Variants in PLCG1 observed in about 807,000 individuals in gnomAD.
The protein encoded by PLCG1 is 1-phosphatidylinositol 4,5-bisphosphate phosphodiesterase gamma-1.
In PLCG1, 71 loss-of-function variants were observed where a neutral mutation model predicts 177.8. That is an observed-to-expected ratio of 0.40 (90% CI 0.33 to 0.49). The LOEUF is 0.49. Among genes scored for constraint, PLCG1 ranks in the 20% least tolerant of loss-of-function variants. PLCG1 has a pLI of 0.72. For missense variants in PLCG1, 1,281 were observed against 1,709.0 expected, an observed-to-expected ratio of 0.75 and a Z score of 4.42; for synonymous variants, 658 against 647.9, an observed-to-expected ratio of 1.02 and a Z score of -0.24.
intron 5 of PLCG1, 50 bp downstream of exon 5, chr20:41,162,586 G>C: frequency 4.4e-6 from 7 of 1,608,332 alleles, no homozygotes; most frequent in Non-Finnish European, 5.1e-6. Flanking sequence ...GAAGCCAAGA[G>C]CCCTTCAGCT....
chr20:41,140,459 G>C (rs1359485840), intron 1 of PLCG1, among the ~76,000 whole-genome samples: 1 of 152,204 alleles, frequency 6.6e-6, no homozygotes, highest in Non-Finnish European at 1.5e-5. Flanking sequence ...ACCCTACCAG[G>C]GTACCAGCAG....
At chr20:41,138,478 A>ATT (rs1175225004) in intron 1 of PLCG1, among the ~76,000 whole-genome samples, 29 of 137,994 alleles carry the variant, frequency 2.1e-4, no homozygotes, top group Middle Eastern at 3.8e-3. Flanking sequence ...AGTGGCTGGA[A>ATT]TTTTTTTTTT....
chr20:41,145,832 T>C (rs886663527), intron 1 of PLCG1, among the ~76,000 whole-genome samples: 6 of 152,222 alleles, frequency 3.9e-5, no homozygotes, highest in African/African-American at 1.2e-4. Context: ...GGAGAGTCTC[T>C]ACTTGCATTC....
In PLCG1 at chr20:41,163,566, C is replaced by T; in HGVS notation, c.891+87C>T. 9.0e-7 allele frequency: 1 copy of T among 1,110,284 alleles called. No homozygotes were observed. The highest frequency in any genetic ancestry group is 1.4e-6 in the Non-Finnish European group (1 of 728,026). 68.8% of individuals were successfully genotyped at this position (1,110,284 alleles called of 1,614,324 possible). The stretch of plus-strand genomic sequence containing the variant: ...CCCGGGCTCCAGGAGCTAGACGCTC[C>T]TTAGGGATGCCACCTTGTTTCTACC... On this transcript the variant is annotated intron_variant, in intron 9 of 31. Transcript: ENST00000685551. This position sits in a 1 kb window ranked among gnomAD's most constrained non-coding sequence, Gnocchi z 5.2.
At position 41,165,990 on chromosome 20, in the gene PLCG1, A is replaced by AC. The variant is rs145133101; in HGVS notation, c.1799+174dup. ...CATACACACACACACTCTCTGTCTCACCCCCCCCCCATACCCCTCCCTTTT... is the reference window on the plus strand; with the variant it reads ...CATACACACACACACTCTCTGTCTCACCCCCCCCCCCATACCCCTCCCTTTT... On this transcript the variant is annotated intron_variant, in intron 16 of 31. Transcript: ENST00000685551. The surrounding 1 kb of genome is among the most constrained non-coding windows in gnomAD (Gnocchi z 6.6). 0.06 allele frequency: 31,469 copies of AC among 522,682 alleles called. 592 individuals carry two copies. Among genetic ancestry groups the AC allele is most frequent in the East Asian group, 0.36 (9,968 of 27,622 alleles). The allele number at this position is 522,682 out of a possible 1,614,324, so 32.4% of individuals were successfully genotyped here.
Position 41,166,593 on chromosome 20 carries a change from C to G in PLCG1, c.2118C>G (p.Phe706Leu), listed in dbSNP as rs1486693229. The G allele has an allele frequency of 6.2e-7, 1 of 1,614,064 alleles. No individual in the cohort carries two copies. The highest frequency in any genetic ancestry group is 8.5e-7 in the Non-Finnish European group (1 of 1,180,052). ...RNEPNSYAIS[F>L]RAEGKIKHCR... is the part of the protein sequence containing the mutation. Reference sequence around the variant, plus strand: ...AACCCAACTCATATGCCATCTCTTTCCGGTGAGGGGTGTGGCACTGGGTTG... The same window carrying G: ...AACCCAACTCATATGCCATCTCTTTGCGGTGAGGGGTGTGGCACTGGGTTG... Residue 706 changes from phenylalanine to leucine, a missense_variant and splice_region_variant, in exon 18 of 32, where the codon TTC becomes TTG. Phe to Leu is a conservative substitution (Grantham distance 22). Coordinates refer to ENST00000685551, the MANE Select transcript of PLCG1 (RefSeq NM_002660.3). This position sits in a 1 kb window ranked among gnomAD's most constrained non-coding sequence, Gnocchi z 8.6.
Position 41,174,607 on chromosome 20 carries a change from G to C in PLCG1, c.*98G>C. The C allele has an allele frequency of 9.7e-7, 1 of 1,027,386 alleles. No homozygotes were observed. Among genetic ancestry groups the C allele is most frequent in the Non-Finnish European group, 1.5e-6 (1 of 672,356 alleles). The allele number at this position is 1,027,386 out of a possible 1,614,324, so 63.6% of individuals were successfully genotyped here. On this transcript the variant is annotated 3_prime_UTR_variant, in exon 32 of 32. Coordinates refer to ENST00000685551, the MANE Select transcript of PLCG1 (RefSeq NM_002660.3). This position sits in a 1 kb window ranked among gnomAD's most constrained non-coding sequence, Gnocchi z 5.8. ...AAGCAGCCCCCTGTGGCGGCCTTCC[G>C]GGTCTCGCAGCCTGAAGCCTGGATT...
In PLCG1 at chr20:41,144,414, T is replaced by G. The variant is rs990284870; in HGVS notation, c.217+6556T>G. On this transcript the variant is annotated intron_variant, in intron 1 of 31. Coordinates refer to ENST00000685551, the MANE Select transcript of PLCG1 (RefSeq NM_002660.3). This position sits in a 1 kb window ranked among gnomAD's most constrained non-coding sequence, Gnocchi z 4.1. ...CCTAGACTTCCATCTGTGGACAAGC[T>G]GGACTCATTGCCTCAATTTCAAAAC... Among the ~76,000 whole-genome samples, 1 of 152,256 alleles carries G rather than the reference T, an allele frequency of 6.6e-6. No homozygotes were observed. The highest frequency in any genetic ancestry group is 2.4e-5 in the African/African-American group (1 of 41,468).
At position 41,174,837 on chromosome 20, in the gene PLCG1, C is replaced by A; in HGVS notation, c.*328C>A. On this transcript the variant is annotated 3_prime_UTR_variant, in exon 32 of 32. Coordinates refer to ENST00000685551, the MANE Select transcript of PLCG1 (RefSeq NM_002660.3). This position sits in a 1 kb window ranked among gnomAD's most constrained non-coding sequence, Gnocchi z 5.8. The stretch of plus-strand genomic sequence containing the variant: ...GAAGCCCCTTGGAGAGAGAGGCTGC[C>A]TCAGCCAGTGGCACAGGAGACTCCA... 1 of 334,518 alleles carries A rather than the reference C, an allele frequency of 3.0e-6. No homozygotes were observed. The highest frequency in any genetic ancestry group is 6.8e-5 in the East Asian group (1 of 14,738). 20.7% of individuals were successfully genotyped at this position (334,518 alleles called of 1,614,324 possible).
chr20:41,154,893 T>C lies in PLCG1; in HGVS notation c.218-4713T>C, dbSNP rs571935968. 3.3e-5 allele frequency among the ~76,000 whole-genome samples: 5 copies of C among 152,278 alleles called. No individual in the cohort carries two copies. The South Asian group carries it at 8.3e-4, about 25-fold the overall frequency. ...TCACAGCTCCCAGAGTGCTTGGGCATAGGGTGGCTCAGATGAGGAAACAGG... is the reference window on the plus strand; with the variant it reads ...TCACAGCTCCCAGAGTGCTTGGGCACAGGGTGGCTCAGATGAGGAAACAGG... On this transcript the variant is annotated intron_variant, in intron 1 of 31. Transcript: ENST00000685551.
intron 4 of PLCG1, chr20:41,162,235 GTTTTTTTTTTT>G (rs11426520): frequency 1.4e-5 from 2 of 143,598 alleles, no homozygotes; most frequent in East Asian, 2.1e-4. Context: ...TTTTGTTTTT[GTTTTTTTTTTT>G]TTTTTTTTTG....
chr20:41,168,425 C>T (rs1194459761), intron 20 of PLCG1, among the ~76,000 whole-genome samples: 2 of 152,250 alleles, frequency 1.3e-5, no homozygotes, highest in Non-Finnish European at 2.9e-5. Flanking sequence ...CGGGGAGGCA[C>T]TCAGGGCCAC....
chr20:41,169,712 C>T (rs1036113803), intron 23 of PLCG1, 186 bp downstream of exon 23: 4 of 603,894 alleles, frequency 6.6e-6, no homozygotes, highest in African/African-American at 1.8e-5. Flanking sequence ...CAGCTTTGAC[C>T]CCTGCATGTT....
rs2035154660 is a variant in PLCG1, at chr20:41,151,148, G to A, written c.218-8458G>A. Reference sequence around the variant, plus strand: ...GGATTCTGTTCTTACCTCTGAAATAGGTGAGATTAATTTAGAGTCCTAGGG... The same window carrying A: ...GGATTCTGTTCTTACCTCTGAAATAAGTGAGATTAATTTAGAGTCCTAGGG... On this transcript the variant is annotated intron_variant, in intron 1 of 31. Transcript: ENST00000685551. The surrounding 1 kb of genome is among the most constrained non-coding windows in gnomAD (Gnocchi z 5.5). Among the ~76,000 whole-genome samples the A allele has an allele frequency of 1.3e-5, 2 of 152,132 alleles. No individual in the cohort carries two copies. Among genetic ancestry groups the A allele is most frequent in the South Asian group, 4.2e-4 (2 of 4,818 alleles).
Position 41,159,507 on chromosome 20 carries a change from TGA to T in PLCG1, c.218-91_218-90del, listed in dbSNP as rs998817030. The T allele has an allele frequency of 2.2e-5, 28 of 1,265,060 alleles. No homozygotes were observed. The African/African-American group carries it at 3.1e-4, about 14-fold the overall frequency. 78.4% of individuals were successfully genotyped at this position (1,265,060 alleles called of 1,614,324 possible). A position where few individuals can be genotyped will look rare whatever the true frequency, so the allele number is the denominator to read the frequency against. On this transcript the variant is annotated intron_variant, in intron 1 of 31. Coordinates refer to ENST00000685551, the MANE Select transcript of PLCG1 (RefSeq NM_002660.3). This position sits in a 1 kb window ranked among gnomAD's most constrained non-coding sequence, Gnocchi z 6.0. ...TGGCTCTGCCTCTGGGGTTCCTCCC[TGA>T]GAGAGAGTGTAAGAATGAGGAAACC...
chr20:41,164,913 G>A lies in PLCG1; in HGVS notation c.1218-20G>A. ...AGAATTGCAGAATCTGTTTCACTGT[G>A]CTTGTCCCCCATCCCGCAGGTACCC... is the stretch of plus-strand genomic sequence containing the variant. On this transcript the variant is annotated intron_variant, in intron 12 of 31. Coordinates refer to ENST00000685551, the MANE Select transcript of PLCG1 (RefSeq NM_002660.3). This position sits in a 1 kb window ranked among gnomAD's most constrained non-coding sequence, Gnocchi z 6.4. 2 of 1,609,108 alleles carry A rather than the reference G, an allele frequency of 1.2e-6. No homozygotes were observed. Among genetic ancestry groups the A allele is most frequent in the Non-Finnish European group, 1.7e-6 (2 of 1,176,710 alleles).
Position 41,167,946 on chromosome 20 carries a change from T to A in PLCG1, c.2379+17T>A, listed in dbSNP as rs759543244. Reference sequence around the variant, plus strand: ...ACTTTCAAGGTACAGCTCAGGCCTCTGGGCATAGGAAGCTGGGGAGGGTCC... The same window carrying A: ...ACTTTCAAGGTACAGCTCAGGCCTCAGGGCATAGGAAGCTGGGGAGGGTCC... On this transcript the variant is annotated intron_variant, in intron 20 of 31. Transcript: ENST00000685551. This position sits in a 1 kb window ranked among gnomAD's most constrained non-coding sequence, Gnocchi z 4.4. The A allele has an allele frequency of 1.9e-6, 3 of 1,588,076 alleles. No homozygotes were observed. The African/African-American group carries it at 4.0e-5, about 21-fold the overall frequency.
chr20:41,137,977 A>C lies in PLCG1; in HGVS notation c.217+119A>C. ...CTTGGGCAAACTTTCGGGCCCTCCC[A>C]GACTCCCTCCGGGCCCCGCCCCCGC... is the stretch of plus-strand genomic sequence containing the variant. On this transcript the variant is annotated intron_variant, in intron 1 of 31. Coordinates refer to ENST00000685551, the MANE Select transcript of PLCG1 (RefSeq NM_002660.3). The surrounding 1 kb of genome is among the most constrained non-coding windows in gnomAD (Gnocchi z 7.3). 1.5e-6 allele frequency: 1 copy of C among 647,630 alleles called. No homozygotes were observed. The highest frequency in any genetic ancestry group is 3.5e-5 in the East Asian group (1 of 28,932). The allele number at this position is 647,630 out of a possible 1,614,324, so 40.1% of individuals were successfully genotyped here. A position where few individuals can be genotyped will look rare whatever the true frequency, so the allele number is the denominator to read the frequency against.
chr20:41,148,681 C>T lies in PLCG1; in HGVS notation c.217+10823C>T, dbSNP rs2035070551. On this transcript the variant is annotated intron_variant, in intron 1 of 31. Coordinates refer to ENST00000685551, the MANE Select transcript of PLCG1 (RefSeq NM_002660.3). The surrounding 1 kb of genome is among the most constrained non-coding windows in gnomAD (Gnocchi z 4.3). Reference sequence around the variant, plus strand: ...ATGGTGCAGTCTCTCAAGGAGTTTACGCTCTAGTGGAGAAAACAATCAGAC... The same window carrying T: ...ATGGTGCAGTCTCTCAAGGAGTTTATGCTCTAGTGGAGAAAACAATCAGAC... 1.3e-5 allele frequency among the ~76,000 whole-genome samples: 2 copies of T among 152,142 alleles called. No homozygotes were observed. Among genetic ancestry groups the T allele is most frequent in the Admixed American group, 6.5e-5 (1 of 15,278 alleles).
Sources: gnomAD v4.1 joint callset for allele counts (sites outside exome capture counted in the v4.1 genomes callset) on GRCh38, gnomAD v4.1.1 for gene constraint, Gnocchi (gnomAD v3.1) non-coding constraint, MANE v1.5 for transcripts, NCBI Gene and HGNC (gene_info 2026-07-23, HGNC 2026-07-21) for gene names.